The following SPIB variants were observed in gnomAD, a reference collection of about 807,000 sequenced individuals.
The protein encoded by SPIB is transcription factor Spi-B.
A neutral mutation model predicts 31.9 loss-of-function variants in SPIB; 7 were observed. The ratio of observed to expected loss-of-function variants is 0.22; its 90% CI spans 0.12 to 0.41. The LOEUF (loss-of-function observed/expected upper bound fraction) is 0.41, where lower values mean the gene tolerates loss of function less well. SPIB is among the 10% of genes least tolerant of loss of function. The probability of loss-of-function intolerance (pLI) is 1.00; values close to 1 mark genes in which losing one functional copy is unlikely to be tolerated. For synonymous variants in SPIB, 176 were observed against 158.9 expected (o/e 1.11, Z -0.81); for missense variants, 327 against 360.2 (o/e 0.91, Z 0.75).
chr19:50,419,859 T>C, intron 1 of SPIB, 87 bp from the exon 2 acceptor site: 1 of 1,404,182 alleles, frequency 7.1e-7, no homozygotes, highest in South Asian at 1.4e-5. Context: ...TCACAGCTGC[T>C]GCCGCCTCCC....
chr19:50,424,676 G>C (rs552116082), intron 5 of SPIB, among the ~76,000 whole-genome samples: 33 of 152,284 alleles, frequency 2.2e-4, no homozygotes, highest in African/African-American at 7.7e-4. Context: ...AGCTACTCGG[G>C]AGGCTGAGGC....
chr19:50,427,471 G>T (rs192144175), intron 5 of SPIB, among the ~76,000 whole-genome samples: 1 of 152,358 alleles, frequency 6.6e-6, no homozygotes, highest in African/African-American at 2.4e-5. Flanking sequence ...GCTGCAGTAA[G>T]CCGAGATTGC....
In SPIB at chr19:50,419,094, G is replaced by A. The variant is rs949965564; in HGVS notation, c.23+109G>A. 3.7e-6 allele frequency: 5 copies of A among 1,340,346 alleles called. No individual in the cohort carries two copies. The Admixed American group carries it at 8.1e-5, about 22-fold the overall frequency. The allele number at this position is 1,340,346 out of a possible 1,614,324, so 83.0% of individuals were successfully genotyped here. A position where few individuals can be genotyped will look rare whatever the true frequency, so the allele number is the denominator to read the frequency against. ...TCTGCTCCTCACGGCCGGTGGGTGG[G>A]AGTGGAGGGGAGGGGTCCACCCTGT... is the stretch of plus-strand genomic sequence containing the variant. On this transcript the variant is annotated intron_variant, in intron 1 of 5. Coordinates refer to ENST00000595883, the MANE Select transcript of SPIB (RefSeq NM_003121.5).
At chr19:50,419,793 AGTGGGGGAGTCCGGTGAATGTG>A in intron 1 of SPIB, 131 bp from the exon 2 acceptor site, 1 of 647,722 alleles carries the variant, frequency 1.5e-6, no homozygotes, top group Non-Finnish European at 2.5e-6. Flanking sequence ...AGCAGGGGGT[AGTGGGGGAGTCCGGTGAATGTG>A]GTGGGGCTGG....
At chr19:50,423,132 G>A in intron 4 of SPIB, 95 bp downstream of exon 4, 1 of 627,878 alleles carries the variant, frequency 1.6e-6, no homozygotes, top group East Asian at 2.8e-5. Context: ...GGTGGGAGGA[G>A]GATTGCTTGA....
rs1404507072 is a variant in SPIB, at chr19:50,430,727, A to C, written c.*2391A>C. On this transcript the variant is annotated 3_prime_UTR_variant, in exon 6 of 6. Transcript: ENST00000595883. ...ACTGCACACCAGCCTGGGCGACAAG[A>C]GCGAAACTCCGTCTCAAAAAAAAAA... is the stretch of plus-strand genomic sequence containing the variant. 1 of 151,428 alleles carries C rather than the reference A, an allele frequency of 6.6e-6. No individual in the cohort carries two copies. The highest frequency in any genetic ancestry group is 1.5e-5 in the Non-Finnish European group (1 of 67,942). 9.4% of individuals were successfully genotyped at this position (151,428 alleles called of 1,614,324 possible). A position where few individuals can be genotyped will look rare whatever the true frequency, so the allele number is the denominator to read the frequency against.
intron 5 of SPIB, among the ~76,000 whole-genome samples, chr19:50,426,938 T>C (rs1333020264): frequency 1.3e-5 from 2 of 151,004 alleles, no homozygotes; most frequent in Non-Finnish European, 3.0e-5. Context: ...AAGACCAGCC[T>C]GGGCAACATA....
At chr19:50,420,371 A>C (rs1341583712) in intron 2 of SPIB, among the ~76,000 whole-genome samples, 2 of 152,090 alleles carry the variant, frequency 1.3e-5, no homozygotes, top group African/African-American at 4.8e-5. Flanking sequence ...GCCCCTGTTT[A>C]TGCCCCTCCA....
intron 1 of SPIB, 108 bp from the exon 2 acceptor site, chr19:50,419,838 G>T (rs2039468978): frequency 2.5e-6 from 3 of 1,184,080 alleles, no homozygotes; most frequent in Admixed American, 3.3e-5. Flanking sequence ...CCTCACACAG[G>T]GCTGCGGTGG....
chr19:50,422,763 T>C, intron 3 of SPIB, 60 bp from the exon 4 acceptor site: 3 of 1,226,492 alleles, frequency 2.4e-6, no homozygotes, highest in African/African-American at 1.5e-5. Context: ...GCTGGGGGCT[T>C]CGACTGCGAG....
At position 50,430,198 on chromosome 19, in the gene SPIB, C is replaced by T. The variant is rs1176287005; in HGVS notation, c.*1862C>T. 2 of 152,248 alleles carry T rather than the reference C, an allele frequency of 1.3e-5. No individual in the cohort carries two copies. Among genetic ancestry groups the T allele is most frequent in the African/African-American group, 4.8e-5 (2 of 41,430 alleles). The allele number at this position is 152,248 out of a possible 1,614,324, so 9.4% of individuals were successfully genotyped here. A position where few individuals can be genotyped will look rare whatever the true frequency, so the allele number is the denominator to read the frequency against. The stretch of plus-strand genomic sequence containing the variant: ...CCAATCTGCCCCAGTCGCTGCCATC[C>T]CTGGCTATCTCACCCTAGCAGCTTC... On this transcript the variant is annotated 3_prime_UTR_variant, in exon 6 of 6. Coordinates refer to ENST00000595883, the MANE Select transcript of SPIB (RefSeq NM_003121.5).
chr19:50,420,738 C>T (rs1458019969), intron 2 of SPIB, among the ~76,000 whole-genome samples: 1 of 152,230 alleles, frequency 6.6e-6, no homozygotes, highest in Non-Finnish European at 1.5e-5. Context: ...AGCAATTCTC[C>T]TGCCTCAGCC....
At chr19:50,420,324 C>G (rs145951327) in intron 2 of SPIB, among the ~76,000 whole-genome samples, 13 of 152,306 alleles carry the variant, frequency 8.5e-5, no homozygotes, top group African/African-American at 3.1e-4. Flanking sequence ...ACAATCCAGT[C>G]TGAGTAATCA....
At chr19:50,421,425 C>T (rs947906744) in intron 2 of SPIB, among the ~76,000 whole-genome samples, 2 of 151,952 alleles carry the variant, frequency 1.3e-5, no homozygotes, top group African/African-American at 2.4e-5. Flanking sequence ...TGGGTTCAAG[C>T]GATTCTCCTG....
intron 5 of SPIB, among the ~76,000 whole-genome samples, chr19:50,425,362 A>G (rs2039552081): frequency 6.6e-6 from 1 of 152,198 alleles, no homozygotes; most frequent in Admixed American, 6.5e-5. Flanking sequence ...TAAGTCACCT[A>G]TTTTAACTTA....
At chr19:50,419,768 C>T in intron 1 of SPIB, 178 bp from the exon 2 acceptor site, 3 of 527,924 alleles carry the variant, frequency 5.7e-6, no homozygotes, top group Non-Finnish European at 6.4e-6. Context: ...CCCCCCACCC[C>T]CCACTTCCTG....
In SPIB at chr19:50,422,552, G is replaced by T; in HGVS notation, c.124+7G>T. On this transcript the variant is annotated splice_region_variant and intron_variant, in intron 3 of 5. Transcript: ENST00000595883. ...GATTCAGAGGGGGCTCCTGGTGAGT[G>T]ACCCCAGCCCTGTGCCCTTCCTGCC... is the stretch of plus-strand genomic sequence containing the variant. The T allele has an allele frequency of 1.2e-6, 2 of 1,613,722 alleles. No individual in the cohort carries two copies. The highest frequency in any genetic ancestry group is 1.7e-6 in the Non-Finnish European group (2 of 1,179,828).
intron 2 of SPIB, among the ~76,000 whole-genome samples, chr19:50,421,469 C>G (rs892115455): frequency 6.7e-6 from 1 of 149,784 alleles, no homozygotes; most frequent in East Asian, 2.0e-4. Context: ...ACTACAGGTG[C>G]GCACCACCAT....
At chr19:50,423,105 G>T in intron 4 of SPIB, 68 bp downstream of exon 4, 1 of 787,190 alleles carries the variant, frequency 1.3e-6, no homozygotes, top group Non-Finnish European at 2.0e-6. Flanking sequence ...TGTAATCCCA[G>T]CTGCTTGAGA....
Sources: allele counts gnomAD v4.1 joint callset (sites outside exome capture counted in the v4.1 genomes callset), GRCh38; gene constraint gnomAD v4.1.1; transcripts MANE v1.5; gene names NCBI Gene and HGNC (gene_info 2026-07-23, HGNC 2026-07-21).